Variants in WRNIP1 observed in about 807,000 individuals in gnomAD.
WRNIP1 encodes the protein WRN helicase interacting protein 1, also known as ATPase WRNIP1.
In WRNIP1, 41 loss-of-function variants were observed where a neutral mutation model predicts 56.1. That is an observed-to-expected ratio of 0.73 (90% CI 0.57 to 0.95). The LOEUF is 0.95. Ranked by LOEUF, WRNIP1 falls within the 40% of genes least tolerant of loss-of-function variation. The pLI is 0.00. For synonymous variants in WRNIP1, 547 were observed against 398.1 expected, an observed-to-expected ratio of 1.37 and a Z score of -4.45; for missense variants, 1,170 against 939.4, an observed-to-expected ratio of 1.25 and a Z score of -3.21.
intron 4 of WRNIP1, among the ~76,000 whole-genome samples, chr6:2,781,641 A>G (rs1409026019): frequency 6.6e-6 from 1 of 152,252 alleles, no homozygotes; most frequent in Non-Finnish European, 1.5e-5. Context: ...AGGAATTTCT[A>G]AATGAGAGCA....
chr6:2,782,028 C>T (rs1765573010), intron 4 of WRNIP1, among the ~76,000 whole-genome samples: 1 of 152,264 alleles, frequency 6.6e-6, no homozygotes, highest in South Asian at 2.1e-4. Flanking sequence ...GATGACTAAC[C>T]TGTGTAGGGG....
chr6:2,773,395 T>C (rs1005036426), intron 3 of WRNIP1: 1 of 985,336 alleles, frequency 1.0e-6, no homozygotes, highest in Admixed American at 6.1e-5. Context: ...ATATGTGAAA[T>C]CCAGTATTTC....
chr6:2,784,907 G>A (rs1237613838), intron 6 of WRNIP1, 100 bp from the exon 7 acceptor site: 1 of 1,426,954 alleles, frequency 7.0e-7, no homozygotes, highest in Non-Finnish European at 9.5e-7. Flanking sequence ...AGCATGTGGG[G>A]ATCTTCTCAG....
chr6:2,784,202 C>G (rs1176807591), intron 5 of WRNIP1, 122 bp from the exon 6 acceptor site: 1 of 784,270 alleles, frequency 1.3e-6, no homozygotes, highest in Non-Finnish European at 2.0e-6. Flanking sequence ...GGCTGTTTTG[C>G]TACATGGGAT....
chr6:2,765,438 G>C lies in WRNIP1; in HGVS notation c.-185G>C. The C allele has an allele frequency of 1.6e-6, 1 of 643,096 alleles. No individual in the cohort carries two copies. The highest frequency in any genetic ancestry group is 2.2e-6 in the Non-Finnish European group (1 of 464,126). 39.8% of individuals were successfully genotyped at this position (643,096 alleles called of 1,614,324 possible). On this transcript the variant is annotated 5_prime_UTR_variant, in exon 1 of 7. Coordinates refer to ENST00000380773, the MANE Select transcript of WRNIP1 (RefSeq NM_020135.3). The stretch of plus-strand genomic sequence containing the variant: ...TGAGGCGCTGCCAGCGGCCGGCCGA[G>C]GGCGGGCGGACGCGGGAGCTGCGGA...
chr6:2,779,443 T>G lies in WRNIP1; in HGVS notation c.1437T>G (p.Asn479Lys), dbSNP rs1450691122. The change falls in exon 4 of 7, where the codon AAT becomes AAG. Residue 479 changes from asparagine to lysine, a missense_variant. Physicochemically the swap from Asn to Lys is moderately conservative, Grantham distance 94. Coordinates refer to ENST00000380773, the MANE Select transcript of WRNIP1 (RefSeq NM_020135.3). ...YSPSRVLITE[N>K]DVKEGLQRSH... is the part of the protein sequence containing the mutation. ...CCAGTAGAGTTCTGATCACAGAGAA[T>G]GACGTGAAGGAGGGCCTACAGCGAT... 2 of 1,614,196 alleles carry G rather than the reference T, an allele frequency of 1.2e-6. No individual in the cohort carries two copies. The highest frequency in any genetic ancestry group is 4.5e-5 in the East Asian group (2 of 44,878).
chr6:2,778,903 A>C (rs1561914766), intron 3 of WRNIP1, among the ~76,000 whole-genome samples: 2 of 152,208 alleles, frequency 1.3e-5, no homozygotes, highest in Non-Finnish European at 2.9e-5. Context: ...CACGGTAATG[A>C]GGTGCTAGCA....
chr6:2,780,774 G>A (rs1432033460), intron 4 of WRNIP1, among the ~76,000 whole-genome samples: 3 of 152,018 alleles, frequency 2.0e-5, no homozygotes, highest in African/African-American at 7.2e-5. Context: ...CAGCAGCAGC[G>A]GTCTCTCTCT....
chr6:2,785,030 C>A lies in WRNIP1; in HGVS notation c.1746C>A (p.Val582=). The change falls in exon 7 of 7, where the codon GTC becomes GTA. Residue 582 remains valine, a synonymous_variant. Transcript: ENST00000380773. ...AGGTGCTTCTGGCCCAGTGTGTGGT[C>A]TACTTTGCCAGAGCCCCAAAGTCCA... ...ECEVLLAQCV[V]YFARAPKSIE... The A allele has an allele frequency of 6.2e-7, 1 of 1,614,134 alleles. No homozygotes were observed. Among genetic ancestry groups the A allele is most frequent in the Non-Finnish European group, 8.5e-7 (1 of 1,180,032 alleles).
Position 2,781,275 on chromosome 6 carries a change from GGCTGCCTAGTGCC to G in WRNIP1, c.1486+1797_1486+1809del, listed in dbSNP as rs1290201003. Among the ~76,000 whole-genome samples the G allele has an allele frequency of 7.2e-5, 11 of 152,312 alleles. No homozygotes were observed. In the South Asian group the frequency reaches 1.2e-3, roughly 17 times the overall value. On this transcript the variant is annotated intron_variant, in intron 4 of 6. Transcript: ENST00000380773. ...TAGCTTGGAGCTGGGGGGTGGTGGA[GGCTGCCTAGTGCC>G]GCTGCCTAGTGCCAGCGCCTTAAGA... is the stretch of plus-strand genomic sequence containing the variant.
intron 4 of WRNIP1, among the ~76,000 whole-genome samples, 191 bp from the exon 5 acceptor site, chr6:2,783,215 G>C (rs1765610405): frequency 6.6e-6 from 1 of 152,194 alleles, no homozygotes; most frequent in South Asian, 2.1e-4. Flanking sequence ...CCCCTGAATA[G>C]GACTGGGATT....
rs1310009113 is a variant in WRNIP1 at position 2,768,776 on chromosome 6, A to T, written c.908A>T (p.Asn303Ile). Residue 303 changes from asparagine (N) to isoleucine (I), a missense_variant, in exon 2 of 7, where the codon AAT (asparagine) becomes ATT (isoleucine). Coordinates refer to ENST00000380773, the MANE Select transcript of WRNIP1 (RefSeq NM_020135.3). Reference protein sequence around the residue: ...VTLSATNAKTNDVRDVIKQAQ... With the variant: ...VTLSATNAKTIDVRDVIKQAQ... ...TTATCTGCAACAAATGCCAAGACAA[A>T]TGATGTGCGAGATGTCATAAAACAA... is the stretch of plus-strand genomic sequence containing the variant. The T allele has an allele frequency of 6.2e-7, 1 of 1,614,064 alleles. No homozygotes were observed. Among genetic ancestry groups the T allele is most frequent in the South Asian group, 1.1e-5 (1 of 91,038 alleles).
chr6:2,765,896 AGCGAGG>A lies in WRNIP1; in HGVS notation c.282_287del (p.Gly96_Glu97del), dbSNP rs1249654440. 15 of 1,455,408 alleles carry A rather than the reference AGCGAGG, an allele frequency of 1.0e-5. No individual in the cohort carries two copies. Among genetic ancestry groups the A allele is most frequent in the Admixed American group, 2.4e-5 (1 of 42,476 alleles). The allele number at this position is 1,455,408 out of a possible 1,614,324, so 90.2% of individuals were successfully genotyped here. On this transcript the variant is annotated inframe_deletion, in exon 1 of 7. Coordinates refer to ENST00000380773, the MANE Select transcript of WRNIP1 (RefSeq NM_020135.3). ...AGCCACCCCGACGGCAGCCGAGAGCAGCGAGGGCGAGGGTGAGGAGGGCGACGACGG... is the reference window on the plus strand; with the variant it reads ...AGCCACCCCGACGGCAGCCGAGAGCAGCGAGGGTGAGGAGGGCGACGACGG...
rs1247460597 is a variant in WRNIP1, at chr6:2,786,494, C to T, written c.*1212C>T. On this transcript the variant is annotated 3_prime_UTR_variant, in exon 7 of 7. Coordinates refer to ENST00000380773, the MANE Select transcript of WRNIP1 (RefSeq NM_020135.3). ...CCCTTCATCATCACCCTGGAGCTTTCCTCTGCTTCTCCCTGCACCCCATCT... is the reference window on the plus strand; with the variant it reads ...CCCTTCATCATCACCCTGGAGCTTTTCTCTGCTTCTCCCTGCACCCCATCT... 6.6e-6 allele frequency: 1 copy of T among 152,464 alleles called. No homozygotes were observed. Among genetic ancestry groups the T allele is most frequent in the Non-Finnish European group, 1.5e-5 (1 of 68,238 alleles). 9.4% of individuals were successfully genotyped at this position (152,464 alleles called of 1,614,324 possible). A position where few individuals can be genotyped will look rare whatever the true frequency, so the allele number is the denominator to read the frequency against.
intron 3 of WRNIP1, chr6:2,773,177 TTC>T: frequency 1.0e-6 from 1 of 985,432 alleles, no homozygotes; most frequent in Non-Finnish European, 1.2e-6. Flanking sequence ...GAAATAAGTG[TTC>T]TTTTTTTAAA....
intron 2 of WRNIP1, among the ~76,000 whole-genome samples, 154 bp from the exon 3 acceptor site, chr6:2,769,966 T>C (rs770462058): frequency 6.6e-6 from 1 of 152,166 alleles, no homozygotes; most frequent in South Asian, 2.1e-4. Context: ...CCCCCAAATA[T>C]TGCATCTATA....
chr6:2,779,327 C>G lies in WRNIP1; in HGVS notation c.1321C>G (p.Arg441Gly). 6.2e-7 allele frequency: 1 copy of G among 1,614,168 alleles called. No homozygotes were observed. The highest frequency in any genetic ancestry group is 8.5e-7 in the Non-Finnish European group (1 of 1,180,032). Residue 441 changes from arginine (R) to glycine (G), a missense_variant, in exon 4 of 7, where the codon CGA (arginine) becomes GGA (glycine). By Grantham distance (125) the Arg-to-Gly change is moderately radical. Transcript: ENST00000380773. The stretch of plus-strand genomic sequence containing the variant: ...GGCTTACCTCAGTGACGGTGACGCC[C>G]GAGCTGGGTTGAACGGACTGCAGCT... ...TLAYLSDGDA[R>G]AGLNGLQLAV...
chr6:2,784,428 C>G lies in WRNIP1; in HGVS notation c.1722+25C>G, dbSNP rs367814620. Reference sequence around the variant, plus strand: ...GGTAAAGTAATCAGCTCATTTCTTGCAAATCACTTCTTTTCTCTCTCGTGC... The same window carrying G: ...GGTAAAGTAATCAGCTCATTTCTTGGAAATCACTTCTTTTCTCTCTCGTGC... On this transcript the variant is annotated intron_variant, in intron 6 of 6. Transcript: ENST00000380773. The G allele has an allele frequency of 2.5e-6, 4 of 1,607,394 alleles. No homozygotes were observed. In the African/African-American group the frequency reaches 5.3e-5, roughly 21 times the overall value.
chr6:2,766,149 G>A lies in WRNIP1; in HGVS notation c.527G>A (p.Gly176Glu), dbSNP rs945698164. ...GCCGTGGGCGACGGCGATGGCGACGGGGACGCGGACGCGGACGGCGAGGAC... is the reference window on the plus strand; with the variant it reads ...GCCGTGGGCGACGGCGATGGCGACGAGGACGCGGACGCGGACGGCGAGGAC... The part of the protein sequence containing the change: ...EEAVGDGDGD[G>E]DADADGEDDP... The change falls in exon 1 of 7, where the codon GGG (glycine) becomes GAG (glutamate). Residue 176 changes from glycine (G) to glutamate (E), a missense_variant. By Grantham distance (98) the Gly-to-Glu change is moderately conservative. Transcript: ENST00000380773. 2.5e-4 allele frequency: 330 copies of A among 1,328,540 alleles called. No individual in the cohort carries two copies. Among genetic ancestry groups the A allele is most frequent in the Non-Finnish European group, 3.1e-4 (322 of 1,046,266 alleles). 82.3% of individuals were successfully genotyped at this position (1,328,540 alleles called of 1,614,324 possible). A position where few individuals can be genotyped will look rare whatever the true frequency, so the allele number is the denominator to read the frequency against.
Sources: gnomAD v4.1 joint callset for allele counts (sites outside exome capture counted in the v4.1 genomes callset) on GRCh38, gnomAD v4.1.1 for gene constraint, MANE v1.5 for transcripts, NCBI Gene and HGNC (gene_info 2026-07-23, HGNC 2026-07-21) for gene names.